Variants in PITPNC1 observed in about 807,000 individuals in gnomAD.
The protein encoded by PITPNC1 is cytoplasmic phosphatidylinositol transfer protein 1.
Under a neutral mutation model 44.7 loss-of-function variants are expected in PITPNC1, and 18 were observed. The observed-to-expected ratio is 0.40, with a 90% CI of 0.28 to 0.60. PITPNC1 has a LOEUF of 0.60. Ranked by LOEUF, PITPNC1 falls within the 20% of genes least tolerant of loss-of-function variation. The pLI, the probability that PITPNC1 is intolerant of heterozygous loss-of-function variation, is 0.39. For missense variants in PITPNC1, 290 were observed against 418.4 expected, an observed-to-expected ratio of 0.69 and a Z score of 2.68; for synonymous variants, 141 against 149.6, an observed-to-expected ratio of 0.94 and a Z score of 0.42.
intron 1 of PITPNC1, among the ~76,000 whole-genome samples, chr17:67,386,307 C>T (rs2038051352): frequency 1.3e-5 from 2 of 152,192 alleles, no homozygotes; most frequent in Admixed American, 6.5e-5. Context: ...GTTCTCCTGC[C>T]TCAGCCTCCC....
chr17:67,497,050 C>A (rs2039961373), intron 1 of PITPNC1, among the ~76,000 whole-genome samples: 1 of 152,062 alleles, frequency 6.6e-6, no homozygotes, highest in African/African-American at 2.4e-5. Context: ...CGTTTGAACC[C>A]AGGAGTTCAA....
At chr17:67,393,257 G>A (rs573134696) in intron 1 of PITPNC1, among the ~76,000 whole-genome samples, 3 of 151,934 alleles carry the variant, frequency 2.0e-5, no homozygotes, top group African/African-American at 2.4e-5. Flanking sequence ...CATCACCACC[G>A]CCCATCTTCA....
At chr17:67,389,080 C>G (rs1018205079) in intron 1 of PITPNC1, among the ~76,000 whole-genome samples, 2 of 152,240 alleles carry the variant, frequency 1.3e-5, no homozygotes, top group Non-Finnish European at 1.5e-5. Context: ...GCCTTTCTTT[C>G]TGGAGCTTGG....
intron 1 of PITPNC1, among the ~76,000 whole-genome samples, chr17:67,519,775 C>G (rs1433545415): frequency 6.6e-6 from 1 of 152,198 alleles, no homozygotes; most frequent in African/African-American, 2.4e-5. Context: ...CTTTCCAAGT[C>G]TCAATCTACA....
At chr17:67,413,612 G>A (rs2038541860) in intron 1 of PITPNC1, among the ~76,000 whole-genome samples, 1 of 152,050 alleles carries the variant, frequency 6.6e-6, no homozygotes, top group South Asian at 2.1e-4. Flanking sequence ...CTGCTTCCGT[G>A]GTTCACATGA....
chr17:67,489,283 G>A (rs1368522335), intron 1 of PITPNC1, among the ~76,000 whole-genome samples: 1 of 152,202 alleles, frequency 6.6e-6, no homozygotes, highest in East Asian at 1.9e-4. Flanking sequence ...GATGTGGTAT[G>A]GAAGAGTGGC....
At chr17:67,628,714 C>A (rs75230417) in intron 5 of PITPNC1, among the ~76,000 whole-genome samples, 2,218 of 152,220 alleles carry the variant, frequency 0.015, 67 homozygotes, top group African/African-American at 0.051. Context: ...GGGCACGCTG[C>A]CAGTGCAAGG....
rs2039088875 is a variant in PITPNC1 at position 67,446,105 on chromosome 17, C to T, written c.48+67903C>T. On this transcript the variant is annotated intron_variant, in intron 1 of 8. Coordinates refer to ENST00000581322, the MANE Select transcript of PITPNC1 (RefSeq NM_012417.4). The stretch of plus-strand genomic sequence containing the variant: ...GGGATTACAGGCGTGCGCCACCATG[C>T]CCAGCTAATTTTTGTATTTTTGGTA... 2.0e-5 allele frequency among the ~76,000 whole-genome samples: 3 copies of T among 151,976 alleles called. No individual in the cohort carries two copies. The South Asian group carries it at 6.2e-4, about 31-fold the overall frequency.
intron 2 of PITPNC1, among the ~76,000 whole-genome samples, chr17:67,546,939 GATATT>G (rs1279177472): frequency 6.6e-6 from 1 of 152,226 alleles, no homozygotes; most frequent in African/African-American, 2.4e-5. Flanking sequence ...AGCTGGAGAA[GATATT>G]TTAAGACCCC....
At chr17:67,489,159 A>C (rs936158670) in intron 1 of PITPNC1, among the ~76,000 whole-genome samples, 2 of 152,184 alleles carry the variant, frequency 1.3e-5, no homozygotes, top group Non-Finnish European at 2.9e-5. Context: ...TTTTTTAAAA[A>C]AGAAAAGTAT....
At chr17:67,497,497 A>G (rs1414592123) in intron 1 of PITPNC1, among the ~76,000 whole-genome samples, 1 of 148,782 alleles carries the variant, frequency 6.7e-6, no homozygotes. Flanking sequence ...TACAAGTAAG[A>G]TAAACCTGTG....
chr17:67,484,877 G>A (rs1361087977), intron 1 of PITPNC1, among the ~76,000 whole-genome samples: 1 of 152,154 alleles, frequency 6.6e-6, no homozygotes, highest in Non-Finnish European at 1.5e-5. Flanking sequence ...CATGGAGGTT[G>A]CAGTGAGCTG....
At chr17:67,385,487 C>G (rs932548090) in intron 1 of PITPNC1, among the ~76,000 whole-genome samples, 1 of 145,244 alleles carries the variant, frequency 6.9e-6, no homozygotes, top group Admixed American at 6.8e-5. Context: ...CCCCTCCCCC[C>G]TCCCCTCCCC....
chr17:67,441,752 A>G (rs2039015767), intron 1 of PITPNC1, among the ~76,000 whole-genome samples: 1 of 152,184 alleles, frequency 6.6e-6, no homozygotes, highest in African/African-American at 2.4e-5. Context: ...CTTAGTCGTC[A>G]TTAATAGTTG....
chr17:67,588,081 A>C (rs139505377), intron 5 of PITPNC1, among the ~76,000 whole-genome samples: 228 of 152,246 alleles, frequency 1.5e-3, no homozygotes, highest in African/African-American at 5.3e-3. Flanking sequence ...TCACCTCACT[A>C]CAATCTCTAC....
chr17:67,696,544 G>A lies in PITPNC1; in HGVS notation c.*3656G>A, dbSNP rs182154520. 5 of 152,334 alleles carry A rather than the reference G, an allele frequency of 3.3e-5. No homozygotes were observed. Among genetic ancestry groups the A allele is most frequent in the East Asian group, 1.9e-4 (1 of 5,188 alleles). 9.4% of individuals were successfully genotyped at this position (152,334 alleles called of 1,614,324 possible). On this transcript the variant is annotated 3_prime_UTR_variant, in exon 9 of 9. Coordinates refer to ENST00000581322, the MANE Select transcript of PITPNC1 (RefSeq NM_012417.4). ...GATCATCTGACTCAGTAGGCTAGGA[G>A]ACAATCTGTCATCTGAGCCATAGTT...
intron 1 of PITPNC1, among the ~76,000 whole-genome samples, chr17:67,425,966 GTGTT>G (rs1410688701): frequency 6.6e-6 from 1 of 152,190 alleles, no homozygotes; most frequent in African/African-American, 2.4e-5. Flanking sequence ...GAGTGTGACT[GTGTT>G]TCAATAAAAC....
intron 4 of PITPNC1, among the ~76,000 whole-genome samples, chr17:67,572,766 A>G (rs983388166): frequency 5.5e-4 from 83 of 150,182 alleles, no homozygotes; most frequent in Non-Finnish European, 8.3e-4. Context: ...AAAAAAAAAA[A>G]AGACCTGACA....
chr17:67,588,150 C>T (rs1287541392), intron 5 of PITPNC1, among the ~76,000 whole-genome samples: 1 of 152,074 alleles, frequency 6.6e-6, no homozygotes, highest in South Asian at 2.1e-4. Context: ...ACTACAGGTG[C>T]GCGCCACCAC....
Sources: gnomAD v4.1 joint callset for allele counts (sites outside exome capture counted in the v4.1 genomes callset) on GRCh38, gnomAD v4.1.1 for gene constraint, MANE v1.5 for transcripts, NCBI Gene and HGNC (gene_info 2026-07-23, HGNC 2026-07-21) for gene names.